Variants in STX12 observed in about 807,000 individuals in gnomAD.
The protein encoded by STX12 is syntaxin-12.
STX12 carries 17 observed loss-of-function variants against 42.2 expected under a neutral mutation model. That is an observed-to-expected ratio of 0.40 (90% CI 0.28 to 0.60). The LOEUF (loss-of-function observed/expected upper bound fraction) is 0.60. Among genes scored for constraint, STX12 ranks in the 20% least tolerant of loss-of-function variants. The pLI is 0.39. For missense variants in STX12, 297 were observed against 330.9 expected, an observed-to-expected ratio of 0.90 and a Z score of 0.79; for synonymous variants, 108 against 116.7, an observed-to-expected ratio of 0.93 and a Z score of 0.48.
chr1:27,806,985 G>A (rs191193079), intron 4 of STX12, among the ~76,000 whole-genome samples: 188 of 152,232 alleles, frequency 1.2e-3, no homozygotes, highest in African/African-American at 4.3e-3. Context: ...CCCTTCGCAC[G>A]TTGGGATTAC....
intron 8 of STX12, chr1:27,819,955 A>G: frequency 4.4e-6 from 2 of 456,342 alleles, no homozygotes; most frequent in South Asian, 4.7e-5. Flanking sequence ...AGTAACTGCA[A>G]AGCTAACCCT....
intron 4 of STX12, among the ~76,000 whole-genome samples, chr1:27,808,545 T>C (rs1183956638): frequency 6.6e-6 from 1 of 152,058 alleles, no homozygotes; most frequent in Admixed American, 6.6e-5. Context: ...TTCACCATGT[T>C]GGCCAGGCTG....
chr1:27,811,251 G>A (rs1340228481), intron 5 of STX12, among the ~76,000 whole-genome samples: 3 of 146,970 alleles, frequency 2.0e-5, no homozygotes, highest in South Asian at 2.2e-4. Flanking sequence ...CCCGGGGGGC[G>A]GAGTGAAGTA....
chr1:27,797,875 A>AACAC (rs61106135), intron 3 of STX12, among the ~76,000 whole-genome samples: 4,111 of 143,164 alleles, frequency 0.029, 113 homozygotes, highest in East Asian at 0.16. Flanking sequence ...TCTGAAGGTA[A>AACAC]ACACACACAC....
intron 6 of STX12, 100 bp from the exon 7 acceptor site, chr1:27,817,751 A>G: frequency 1.0e-6 from 1 of 994,876 alleles, no homozygotes; most frequent in Admixed American, 2.1e-5. Flanking sequence ...GTAGAGCCTT[A>G]AAAACACACG....
Position 27,818,309 on chromosome 1 carries a change from A to AT in STX12, c.649+386_649+387insT, listed in dbSNP as rs1295285211. ...GGCAGGAGAATCCCTTGAACCCAGG[A>AT]GGTGGAGGTTGCAGTGAGCCGAGAT... On this transcript the variant is annotated intron_variant, in intron 7 of 8. Coordinates refer to ENST00000373943, the MANE Select transcript of STX12 (RefSeq NM_177424.3). Among the ~76,000 whole-genome samples the AT allele has an allele frequency of 2.6e-5, 4 of 151,582 alleles. No individual in the cohort carries two copies. In the East Asian group the frequency reaches 7.8e-4, roughly 30 times the overall value.
At chr1:27,782,190 C>T (rs1464308987) in intron 1 of STX12, among the ~76,000 whole-genome samples, 1 of 152,134 alleles carries the variant, frequency 6.6e-6, no homozygotes, top group African/African-American at 2.4e-5. Context: ...TCACTGCAAC[C>T]TTGAACTCAA....
Position 27,779,332 on chromosome 1 carries a change from T to TG in STX12, c.118+5908dup, listed in dbSNP as rs1491435279. Among the ~76,000 whole-genome samples, 4 of 144,932 alleles carry TG rather than the reference T, an allele frequency of 2.8e-5. No individual in the cohort carries two copies. The East Asian group carries it at 7.9e-4, about 29-fold the overall frequency. On this transcript the variant is annotated intron_variant, in intron 1 of 8. Transcript: ENST00000373943. ...TGAATCAGATGGTTTTTTTTGTTTT[T>TG]GTTTTTTTTTGTTTTTTTTTGAGCC... is the stretch of plus-strand genomic sequence containing the variant.
chr1:27,812,108 T>C (rs376674096), intron 5 of STX12, 55 bp from the exon 6 acceptor site: 7 of 1,396,388 alleles, frequency 5.0e-6, no homozygotes, highest in South Asian at 3.7e-5. Context: ...GTTGGAGATA[T>C]GTCTTGTTAT....
intron 6 of STX12, among the ~76,000 whole-genome samples, chr1:27,814,843 A>G (rs1440507417): frequency 1.3e-5 from 2 of 151,952 alleles, no homozygotes; most frequent in Non-Finnish European, 2.9e-5. Flanking sequence ...GTCTCAAAAA[A>G]AAAAAAAAAA....
At chr1:27,811,744 G>A (rs2088904638) in intron 5 of STX12, among the ~76,000 whole-genome samples, 1 of 152,144 alleles carries the variant, frequency 6.6e-6, no homozygotes, top group South Asian at 2.1e-4. Context: ...CACTTAGCTT[G>A]CTCTTCTCCA....
chr1:27,778,261 G>A (rs185105282), intron 1 of STX12, among the ~76,000 whole-genome samples: 9 of 152,266 alleles, frequency 5.9e-5, no homozygotes, highest in Admixed American at 5.9e-4. Flanking sequence ...TGGTACAAGT[G>A]GTGATTATCA....
intron 3 of STX12, among the ~76,000 whole-genome samples, chr1:27,795,630 ATC>A (rs1490559519): frequency 2.0e-5 from 3 of 151,864 alleles, no homozygotes; most frequent in Admixed American, 2.0e-4. Context: ...CTTATTGTAA[ATC>A]TCTGTCAAAA....
rs201468671 is a variant in STX12, at chr1:27,822,241, G to T, written c.743G>T (p.Arg248Leu). The T allele has an allele frequency of 4.4e-6, 7 of 1,609,152 alleles. No individual in the cohort carries two copies. Among genetic ancestry groups the T allele is most frequent in the Non-Finnish European group, 3.4e-6 (4 of 1,175,662 alleles). Reference protein sequence around the residue: ...QRAAYYQKKSRKKMCILVLVL... With the variant: ...QRAAYYQKKSLKKMCILVLVL... ...TATTTCTTTCCTCAGAAAAAATCTC[G>T]CAAGAAGATGTGTATCCTGGTGCTT... The change falls in exon 9 of 9, where the codon CGC becomes CTC. Residue 248 changes from arginine (R) to leucine (L), a missense_variant. By Grantham distance (102) the Arg-to-Leu change is moderately radical (BLOSUM62 -2). Transcript: ENST00000373943.
chr1:27,804,820 AAAAG>A (rs1216662544), intron 4 of STX12, among the ~76,000 whole-genome samples: 1 of 152,148 alleles, frequency 6.6e-6, no homozygotes, highest in Non-Finnish European at 1.5e-5. Flanking sequence ...CAAAAAAAAA[AAAAG>A]GAAGAAAGAA....
Position 27,823,565 on chromosome 1 carries a change from C to T in STX12, c.*1236C>T, listed in dbSNP as rs772578293. ...GCTCCCACATAAATGTGAATCTGGC[C>T]AACAACTTTGGTTCATCCTTTAGTG... On this transcript the variant is annotated 3_prime_UTR_variant, in exon 9 of 9. Transcript: ENST00000373943. The T allele has an allele frequency of 6.6e-6, 1 of 152,578 alleles. No individual in the cohort carries two copies. Among genetic ancestry groups the T allele is most frequent in the Non-Finnish European group, 1.5e-5 (1 of 68,028 alleles). 9.5% of individuals were successfully genotyped at this position (152,578 alleles called of 1,614,324 possible).
chr1:27,773,777 A>C, intron 1 of STX12: 1 of 229,174 alleles, frequency 4.4e-6, no homozygotes, highest in Non-Finnish European at 9.0e-6. Flanking sequence ...TTCTCCTGTC[A>C]CCCACCTTCC....
intron 1 of STX12, among the ~76,000 whole-genome samples, chr1:27,779,370 G>T (rs1349324064): frequency 6.8e-6 from 1 of 146,328 alleles, no homozygotes; most frequent in East Asian, 1.9e-4. Context: ...GTCTCACTCT[G>T]TCGCCCAGGC....
At chr1:27,818,932 CT>C (rs1163362088) in intron 7 of STX12, among the ~76,000 whole-genome samples, 2 of 143,520 alleles carry the variant, frequency 1.4e-5, no homozygotes, top group African/African-American at 6.0e-5. Flanking sequence ...TGGCCAGTAA[CT>C]CTTTTTTTTA....
Sources: allele counts gnomAD v4.1 joint callset (sites outside exome capture counted in the v4.1 genomes callset), GRCh38; gene constraint gnomAD v4.1.1; transcripts MANE v1.5; gene names NCBI Gene and HGNC (gene_info 2026-07-23, HGNC 2026-07-21).